The following SCAI variants were observed in gnomAD, a reference collection of about 807,000 sequenced individuals.
SCAI encodes protein SCAI.
SCAI carries 24 observed loss-of-function variants against 92.2 expected under a neutral mutation model. The observed-to-expected ratio is 0.26, with a 90% CI of 0.19 to 0.37. The LOEUF is 0.37. Among genes scored for constraint, SCAI ranks in the 10% least tolerant of loss-of-function variants. The probability of loss-of-function intolerance (pLI) is 1.00; values close to 1 mark genes in which losing one functional copy is unlikely to be tolerated. For missense variants in SCAI, 450 were observed against 736.2 expected, an observed-to-expected ratio of 0.61 and a Z score of 4.50; for synonymous variants, 261 against 258.6, an observed-to-expected ratio of 1.01 and a Z score of -0.09.
At chr9:125,043,678 T>C (rs1312745772) in intron 3 of SCAI, among the ~76,000 whole-genome samples, 1 of 152,128 alleles carries the variant, frequency 6.6e-6, no homozygotes, top group East Asian at 1.9e-4. Flanking sequence ...TGGAGTACAG[T>C]GGTGCGATCT....
intron 2 of SCAI, among the ~76,000 whole-genome samples, chr9:125,134,923 G>A (rs994869424): frequency 5.3e-5 from 8 of 152,230 alleles, no homozygotes; most frequent in South Asian, 4.1e-4. Flanking sequence ...TGATCCGCCC[G>A]CCTCAGCCTC....
intron 14 of SCAI, among the ~76,000 whole-genome samples, chr9:124,982,400 G>A (rs746546686): frequency 3.3e-5 from 5 of 152,070 alleles, no homozygotes; most frequent in East Asian, 3.8e-4. Flanking sequence ...GGCCGGGCAC[G>A]GTGGCTCACG....
In SCAI at chr9:125,001,833, A is replaced by G. The variant is rs1832367567; in HGVS notation, c.1144+132T>C. The stretch of plus-strand genomic sequence containing the variant: ...GTATCTACAAAATTATCAATCAACA[A>G]ATAGACCAGGTTTCAAATTTGGAAG... On this transcript the variant is annotated intron_variant, in intron 12 of 17. Coordinates refer to ENST00000336505, the MANE Select transcript of SCAI (RefSeq NM_001144877.3). 3 of 597,176 alleles carry G rather than the reference A, an allele frequency of 5.0e-6. No homozygotes were observed. The South Asian group carries it at 7.2e-5, about 14-fold the overall frequency. The allele number at this position is 597,176 out of a possible 1,614,324, so 37.0% of individuals were successfully genotyped here.
At chr9:125,102,535 T>C (rs1027404033) in intron 2 of SCAI, among the ~76,000 whole-genome samples, 3 of 152,080 alleles carry the variant, frequency 2.0e-5, no homozygotes, top group African/African-American at 7.2e-5. Flanking sequence ...GCCCAGTAAG[T>C]TTAACCTCTC....
At chr9:125,045,852 T>C (rs1301406737) in intron 3 of SCAI, among the ~76,000 whole-genome samples, 1 of 152,122 alleles carries the variant, frequency 6.6e-6, no homozygotes, top group Non-Finnish European at 1.5e-5. Flanking sequence ...TCTTCAGGGT[T>C]CTTAACATAT....
intron 17 of SCAI, among the ~76,000 whole-genome samples, chr9:124,957,116 C>T (rs183954691): frequency 5.9e-5 from 9 of 152,004 alleles, no homozygotes; most frequent in African/African-American, 1.9e-4. Flanking sequence ...CTCGGCCTCC[C>T]AGGTAACTGG....
At chr9:125,042,666 CATAT>C (rs1327445281) in intron 3 of SCAI, among the ~76,000 whole-genome samples, 22 of 140,284 alleles carry the variant, frequency 1.6e-4, no homozygotes, top group African/African-American at 5.8e-4. Flanking sequence ...CACACACACA[CATAT>C]ACAAAAAGAA....
At chr9:124,983,596 A>G (rs1588131676) in intron 14 of SCAI, among the ~76,000 whole-genome samples, 1 of 151,148 alleles carries the variant, frequency 6.6e-6, no homozygotes, top group Non-Finnish European at 1.5e-5. Context: ...CAGGCAATCC[A>G]CCCGCCTCAG....
chr9:125,112,756 A>ATGAC (rs1426882763), intron 2 of SCAI, among the ~76,000 whole-genome samples: 2 of 152,214 alleles, frequency 1.3e-5, no homozygotes, highest in Non-Finnish European at 2.9e-5. Context: ...ATCTGATTCT[A>ATGAC]TGACTGAGGA....
chr9:125,123,603 G>A (rs1464700871), intron 2 of SCAI, among the ~76,000 whole-genome samples: 2 of 152,012 alleles, frequency 1.3e-5, no homozygotes, highest in South Asian at 2.1e-4. Context: ...GTGAAACCCC[G>A]TCTCTACTAA....
rs1168535608 is a variant in SCAI at position 125,122,356 on chromosome 9, C to T, written c.98+20277G>A. On this transcript the variant is annotated intron_variant, in intron 2 of 17. Transcript: ENST00000336505. Reference sequence around the variant, plus strand: ...CTATGATCCCAGCACTTTGGGAGGTCGAGGCGGGTGGACCACGAGGTCAGG... The same window carrying T: ...CTATGATCCCAGCACTTTGGGAGGTTGAGGCGGGTGGACCACGAGGTCAGG... Among the ~76,000 whole-genome samples, 4 of 151,898 alleles carry T rather than the reference C, an allele frequency of 2.6e-5. No homozygotes were observed. In the East Asian group the frequency reaches 7.7e-4, roughly 29 times the overall value.
At chr9:124,962,800 CTTTT>C (rs1339818271) in intron 17 of SCAI, among the ~76,000 whole-genome samples, 2 of 150,126 alleles carry the variant, frequency 1.3e-5, no homozygotes, top group Admixed American at 6.6e-5. Flanking sequence ...CTTTTTCTTT[CTTTT>C]TCTTTTTTTT....
chr9:124,978,089 T>C (rs1198531372), intron 14 of SCAI, among the ~76,000 whole-genome samples: 1 of 152,070 alleles, frequency 6.6e-6, no homozygotes, highest in Non-Finnish European at 1.5e-5. Context: ...AAAAGTCAAA[T>C]AATGAACTGA....
chr9:125,044,142 G>GC (rs1427217150), intron 3 of SCAI, among the ~76,000 whole-genome samples: 2 of 152,064 alleles, frequency 1.3e-5, no homozygotes, highest in African/African-American at 4.8e-5. Flanking sequence ...TGATTCACAA[G>GC]CCCCCTGCTG....
At chr9:124,968,694 A>G in intron 17 of SCAI, 1 of 1,378,526 alleles carries the variant, frequency 7.3e-7, no homozygotes, top group Non-Finnish European at 1.0e-6. Flanking sequence ...CGATTTCCTC[A>G]AATTCATCAA....
chr9:125,131,525 G>C (rs1835401276), intron 2 of SCAI, among the ~76,000 whole-genome samples: 1 of 152,112 alleles, frequency 6.6e-6, no homozygotes, highest in South Asian at 2.1e-4. Flanking sequence ...CCTCCAGGAA[G>C]CCCTTGAATG....
intron 14 of SCAI, among the ~76,000 whole-genome samples, chr9:124,987,064 G>C (rs1030319572): frequency 3.9e-5 from 6 of 152,098 alleles, no homozygotes; most frequent in Admixed American, 1.3e-4. Flanking sequence ...ATGGAGTCTC[G>C]CTCTGTCGCC....
At chr9:125,076,723 CAG>C (rs1015958159) in intron 2 of SCAI, among the ~76,000 whole-genome samples, 2 of 151,382 alleles carry the variant, frequency 1.3e-5, no homozygotes, top group African/African-American at 4.9e-5. Context: ...TTTTTTGAGA[CAG>C]AGTCTCACTG....
At chr9:125,017,290 TTC>T (rs1832780024) in intron 9 of SCAI, among the ~76,000 whole-genome samples, 1 of 151,852 alleles carries the variant, frequency 6.6e-6, no homozygotes. Context: ...AGTCATCTAG[TTC>T]GGTGATATCT....
Sources: allele counts gnomAD v4.1 joint callset (sites outside exome capture counted in the v4.1 genomes callset), GRCh38; gene constraint gnomAD v4.1.1; transcripts MANE v1.5; gene names NCBI Gene and HGNC (gene_info 2026-07-23, HGNC 2026-07-21).